CLSTN2: variants seen among roughly 807,000 people sequenced by gnomAD.
The protein encoded by CLSTN2 is calsyntenin-2.
CLSTN2 carries 48 observed loss-of-function variants against 101.2 expected under a neutral mutation model. The observed-to-expected ratio is 0.47, with a 90% CI of 0.38 to 0.60. The LOEUF is 0.60. CLSTN2 is among the 20% of genes least tolerant of loss of function. CLSTN2 has a pLI of 0.00. For synonymous variants in CLSTN2, 481 were observed against 463.6 expected, an observed-to-expected ratio of 1.04 and a Z score of -0.48; for missense variants, 1,160 against 1,238.2, an observed-to-expected ratio of 0.94 and a Z score of 0.95.
chr3:140,476,665 T>C (rs1450876998), intron 8 of CLSTN2, among the ~76,000 whole-genome samples: 1 of 119,290 alleles, frequency 8.4e-6, no homozygotes, highest in Non-Finnish European at 1.7e-5. Context: ...TTTTTTTTTT[T>C]TTTTTTTTTC....
intron 1 of CLSTN2, among the ~76,000 whole-genome samples, chr3:140,161,929 T>G (rs1351235356): frequency 6.6e-6 from 1 of 152,204 alleles, no homozygotes; most frequent in Non-Finnish European, 1.5e-5. Flanking sequence ...AATCTATATT[T>G]ATTAATTTAC....
intron 2 of CLSTN2, among the ~76,000 whole-genome samples, chr3:140,392,071 T>C (rs2088120370): frequency 6.6e-6 from 1 of 152,042 alleles, no homozygotes; most frequent in Non-Finnish European, 1.5e-5. Flanking sequence ...TTATAGTTAT[T>C]GTAGAGTGTA....
intron 5 of CLSTN2, among the ~76,000 whole-genome samples, chr3:140,439,848 T>C (rs901880405): frequency 2.6e-5 from 4 of 152,226 alleles, no homozygotes; most frequent in East Asian, 3.8e-4. Context: ...AAGCAGATGA[T>C]TGATAAGTAA....
chr3:140,139,554 C>T (rs1385109478), intron 1 of CLSTN2, among the ~76,000 whole-genome samples: 2 of 152,198 alleles, frequency 1.3e-5, no homozygotes, highest in African/African-American at 4.8e-5. Flanking sequence ...CTGATGTCAT[C>T]TGAGGTGCAA....
intron 4 of CLSTN2, among the ~76,000 whole-genome samples, chr3:140,412,332 T>A (rs538733995): frequency 6.6e-6 from 1 of 152,124 alleles, no homozygotes; most frequent in Non-Finnish European, 1.5e-5. Flanking sequence ...GAGTTTTAAT[T>A]GTTGGCTTTA....
chr3:140,402,628 C>T (rs566444194), intron 2 of CLSTN2, among the ~76,000 whole-genome samples: 1 of 152,250 alleles, frequency 6.6e-6, no homozygotes, highest in South Asian at 2.1e-4. Context: ...AGAGCAAGGC[C>T]CCATTAAATG....
At chr3:140,071,593 A>G (rs2107776946) in intron 1 of CLSTN2, among the ~76,000 whole-genome samples, 1 of 152,326 alleles carries the variant, frequency 6.6e-6, no homozygotes, top group South Asian at 2.1e-4. Context: ...GCCCTTTGGG[A>G]GGCTGAGGCG....
At chr3:140,158,454 T>A (rs1347943860) in intron 1 of CLSTN2, among the ~76,000 whole-genome samples, 1 of 152,036 alleles carries the variant, frequency 6.6e-6, no homozygotes, top group Non-Finnish European at 1.5e-5. Context: ...ACACTAGCTA[T>A]GAAAAAATTG....
intron 2 of CLSTN2, among the ~76,000 whole-genome samples, chr3:140,226,365 G>A (rs1367656521): frequency 1.3e-5 from 2 of 152,148 alleles, no homozygotes; most frequent in African/African-American, 2.4e-5. Flanking sequence ...TTATCACTGG[G>A]AAAAGCTGAG....
chr3:140,543,452 G>T (rs1173415155), intron 9 of CLSTN2, among the ~76,000 whole-genome samples: 1 of 152,226 alleles, frequency 6.6e-6, no homozygotes, highest in Non-Finnish European at 1.5e-5. Context: ...CACCTCAAAA[G>T]AAACTTATCC....
chr3:140,556,488 C>G, intron 10 of CLSTN2, 25 bp from the exon 11 acceptor site: 1 of 1,613,046 alleles, frequency 6.2e-7, no homozygotes, highest in South Asian at 1.1e-5. Context: ...CATTCTCTTC[C>G]ATGATGCTCA....
rs1002695445 is a variant in CLSTN2, at chr3:140,279,091, C to T, written c.232+103018C>T. 2.0e-5 allele frequency among the ~76,000 whole-genome samples: 3 copies of T among 152,210 alleles called. No individual in the cohort carries two copies. The East Asian group carries it at 5.8e-4, about 29-fold the overall frequency. On this transcript the variant is annotated intron_variant, in intron 2 of 16. Coordinates refer to ENST00000458420, the MANE Select transcript of CLSTN2 (RefSeq NM_022131.3). ...AGTACTATATATAAATAGAATCATG[C>T]AGCAAGTATATTTGTGTCTGGCTTC...
At chr3:140,061,721 T>C (rs2008208390) in intron 1 of CLSTN2, among the ~76,000 whole-genome samples, 1 of 152,248 alleles carries the variant, frequency 6.6e-6, no homozygotes, top group South Asian at 2.1e-4. Flanking sequence ...CAGGACACAG[T>C]TGCATTCTGC....
intron 2 of CLSTN2, among the ~76,000 whole-genome samples, chr3:140,343,399 A>G (rs1332291835): frequency 6.6e-6 from 1 of 152,218 alleles, no homozygotes; most frequent in African/African-American, 2.4e-5. Flanking sequence ...TTTCAAGCCA[A>G]ACCACAACAC....
intron 8 of CLSTN2, among the ~76,000 whole-genome samples, chr3:140,470,656 A>G (rs1933821192): frequency 6.6e-6 from 1 of 152,188 alleles, no homozygotes; most frequent in East Asian, 1.9e-4. Context: ...CCCCAAAGGA[A>G]TGGGCCATAA....
intron 8 of CLSTN2, among the ~76,000 whole-genome samples, chr3:140,489,932 C>T (rs934972868): frequency 2.7e-5 from 4 of 148,116 alleles, no homozygotes; most frequent in African/African-American, 1.0e-4. Context: ...CGGACAGGTA[C>T]AGGTCGTTAG....
At chr3:140,206,893 C>T (rs942740681) in intron 2 of CLSTN2, among the ~76,000 whole-genome samples, 5 of 152,160 alleles carry the variant, frequency 3.3e-5, no homozygotes, top group African/African-American at 4.8e-5. Flanking sequence ...GAACCTACAG[C>T]GCAGCTCTGG....
intron 1 of CLSTN2, among the ~76,000 whole-genome samples, chr3:139,998,362 G>T (rs1329344904): frequency 7.9e-5 from 1 of 12,620 alleles, no homozygotes. Context: ...TTTTTGTGAC[G>T]GAGTCTCTCT....
chr3:140,284,154 AT>A (rs570423455), intron 2 of CLSTN2, among the ~76,000 whole-genome samples: 110 of 152,326 alleles, frequency 7.2e-4, no homozygotes, highest in African/African-American at 2.6e-3. Flanking sequence ...ATAAACCTTT[AT>A]TCCAAAGATA....
Sources: gnomAD v4.1 joint callset for allele counts (sites outside exome capture counted in the v4.1 genomes callset) on GRCh38, gnomAD v4.1.1 for gene constraint, MANE v1.5 for transcripts, NCBI Gene and HGNC (gene_info 2026-07-23, HGNC 2026-07-21) for gene names.